The following RBFOX1 variants were observed in gnomAD, a reference collection of about 807,000 sequenced individuals.
The protein encoded by RBFOX1 is RNA binding fox-1 homolog 1.
In RBFOX1, 8 loss-of-function variants were observed where a neutral mutation model predicts 57.7. That is an observed-to-expected ratio of 0.14 (90% CI 0.08 to 0.25). The LOEUF (loss-of-function observed/expected upper bound fraction) is 0.25, where lower values mean the gene tolerates loss of function less well. Among genes scored for constraint, RBFOX1 ranks in the 10% least tolerant of loss-of-function variants. RBFOX1 has a pLI of 1.00. For missense variants in RBFOX1, 611 were observed against 548.5 expected (o/e 1.11, Z -1.14); for synonymous variants, 326 against 222.4 (o/e 1.47, Z -4.15).
At chr16:6,442,427 C>T (rs866298779) in intron 2 of RBFOX1, among the ~76,000 whole-genome samples, 10 of 151,932 alleles carry the variant, frequency 6.6e-5, no homozygotes, top group Middle Eastern at 3.2e-3. Context: ...CATGGTGGCA[C>T]GCGCCTGTAA....
At chr16:7,190,911 TA>T (rs1006873259) in intron 4 of RBFOX1, among the ~76,000 whole-genome samples, 2 of 152,100 alleles carry the variant, frequency 1.3e-5, no homozygotes, top group Admixed American at 6.6e-5. Context: ...GAAGGAAGCA[TA>T]TTTTACAAAG....
rs1425411575 is a variant in RBFOX1, at chr16:6,122,828, G to GTGTGTT, written c.-127+102839_-127+102840insGTTTGT. Reference sequence around the variant, plus strand: ...TGTGTGTGTGTGTGTGTGTGTGTGTGTGTATAAAATATACTCTCTGATTAA... The same window carrying GTGTGTT: ...TGTGTGTGTGTGTGTGTGTGTGTGTGTGTGTTTGTATAAAATATACTCTCTGATTAA... On this transcript the variant is annotated intron_variant, in intron 1 of 15. Coordinates refer to ENST00000550418, the MANE Select transcript of RBFOX1 (RefSeq NM_018723.4). Among the ~76,000 whole-genome samples, 4 of 151,210 alleles carry GTGTGTT rather than the reference G, an allele frequency of 2.6e-5. No individual in the cohort carries two copies. The South Asian group carries it at 8.4e-4, about 32-fold the overall frequency.
chr16:5,875,479 C>A (rs190093844), intron 4 of RBFOX1, among the ~76,000 whole-genome samples: 41 of 152,220 alleles, frequency 2.7e-4, no homozygotes, highest in African/African-American at 8.7e-4. Context: ...AAAGAATGAA[C>A]CTTATGGCTT....
intron 14 of RBFOX1, 105 bp downstream of exon 14, chr16:7,676,943 G>T: frequency 1.7e-6 from 2 of 1,182,084 alleles, no homozygotes; most frequent in Non-Finnish European, 2.5e-6. Flanking sequence ...ACTGCTGGGG[G>T]AGGTAGCACC....
chr16:6,023,879 C>T (rs141576091), intron 1 of RBFOX1, among the ~76,000 whole-genome samples: 5 of 152,266 alleles, frequency 3.3e-5, no homozygotes, highest in East Asian at 1.9e-4. Context: ...AATACTGCCT[C>T]GAGGCACAGG....
At chr16:7,000,830 C>T (rs773214678) in intron 3 of RBFOX1, among the ~76,000 whole-genome samples, 2 of 151,988 alleles carry the variant, frequency 1.3e-5, no homozygotes, top group Non-Finnish European at 2.9e-5. Flanking sequence ...TCTCGATCTC[C>T]TGACCTTGTG....
chr16:7,181,282 A>G (rs1394750615), intron 4 of RBFOX1, among the ~76,000 whole-genome samples: 4 of 152,174 alleles, frequency 2.6e-5, no homozygotes, highest in Non-Finnish European at 5.9e-5. Context: ...CCAGAACTGA[A>G]TGAATGAAGT....
chr16:5,984,587 A>C (rs781082013), intron 4 of RBFOX1, among the ~76,000 whole-genome samples: 13 of 152,128 alleles, frequency 8.5e-5, no homozygotes, highest in Non-Finnish European at 1.5e-4. Context: ...GTAACTGCAC[A>C]TTCTGGTATT....
At chr16:6,344,953 C>A (rs2085143331) in intron 2 of RBFOX1, among the ~76,000 whole-genome samples, 1 of 152,096 alleles carries the variant, frequency 6.6e-6, no homozygotes, top group African/African-American at 2.4e-5. Context: ...GTGTGAGCCA[C>A]CGAGCCCGGC....
chr16:6,648,430 T>C (rs1225601278), intron 2 of RBFOX1, among the ~76,000 whole-genome samples: 12 of 152,124 alleles, frequency 7.9e-5, no homozygotes, highest in Admixed American at 7.2e-4. Context: ...ACTCCCCTTA[T>C]GTGCGGATGA....
chr16:5,540,161 G>A (rs1355053017), intron 2 of RBFOX1, among the ~76,000 whole-genome samples: 1 of 152,162 alleles, frequency 6.6e-6, no homozygotes, highest in Non-Finnish European at 1.5e-5. Flanking sequence ...AAAATCAAAA[G>A]GATCTGGGGT....
rs545846882 is a variant in RBFOX1 at position 5,256,940 on chromosome 16, GAA to G, written c.219+16846_219+16847del. 7.9e-4 allele frequency among the ~76,000 whole-genome samples: 106 copies of G among 134,484 alleles called. 1 individual carries two copies. Among genetic ancestry groups the G allele is most frequent in the African/African-American group, 2.6e-3 (95 of 36,868 alleles). The allele number at this position is 134,484 out of a possible 152,430, so 88.2% of individuals were successfully genotyped here. ...CAGAGTGAGGCTCTGTCTGAAAAAA[GAA>G]AAAAAAAAAAGCAAAGTTAACACTT... On this transcript the variant is annotated intron_variant, in intron 1 of 2. Coordinates refer to the RBFOX1 transcript ENST00000585867.
intron 4 of RBFOX1, among the ~76,000 whole-genome samples, chr16:5,898,580 G>A (rs1323988185): frequency 1.3e-5 from 2 of 148,914 alleles, no homozygotes; most frequent in African/African-American, 4.9e-5. Context: ...TCTCTACAAT[G>A]AGCATAGATT....
chr16:6,446,700 T>C (rs2094493137), intron 2 of RBFOX1, among the ~76,000 whole-genome samples: 1 of 152,188 alleles, frequency 6.6e-6, no homozygotes, highest in South Asian at 2.1e-4. Flanking sequence ...TTTAAGTTAA[T>C]ATAGATTAAA....
intron 3 of RBFOX1, among the ~76,000 whole-genome samples, chr16:5,801,642 C>T (rs1027799378): frequency 3.9e-5 from 6 of 152,208 alleles, no homozygotes; most frequent in African/African-American, 1.2e-4. Context: ...CAATGTGATC[C>T]GTGGTTGCTA....
At chr16:6,502,189 C>T (rs946343078) in intron 2 of RBFOX1, among the ~76,000 whole-genome samples, 1 of 152,130 alleles carries the variant, frequency 6.6e-6, no homozygotes. Context: ...TTTTGTGCTT[C>T]TGTTATATCT....
At chr16:6,783,882 C>A (rs1206872260) in intron 3 of RBFOX1, among the ~76,000 whole-genome samples, 1 of 152,090 alleles carries the variant, frequency 6.6e-6, no homozygotes, top group Non-Finnish European at 1.5e-5. Context: ...CTTTACTTCT[C>A]CACGTTTGAA....
intron 4 of RBFOX1, among the ~76,000 whole-genome samples, chr16:5,974,828 G>C (rs2060030334): frequency 6.6e-6 from 1 of 151,970 alleles, no homozygotes; most frequent in Non-Finnish European, 1.5e-5. Flanking sequence ...GACCAACATG[G>C]AGAAACCCTG....
chr16:5,960,591 C>A (rs2059728135), intron 4 of RBFOX1, among the ~76,000 whole-genome samples: 1 of 152,066 alleles, frequency 6.6e-6, no homozygotes, highest in Non-Finnish European at 1.5e-5. Flanking sequence ...TAGTGTTAAT[C>A]AGATTCATGC....
Sources: allele counts gnomAD v4.1 joint callset (sites outside exome capture counted in the v4.1 genomes callset), GRCh38; gene constraint gnomAD v4.1.1; transcripts MANE v1.5; gene names NCBI Gene and HGNC (gene_info 2026-07-23, HGNC 2026-07-21).